The following WDR20 variants were observed in gnomAD, a reference collection of about 807,000 sequenced individuals.
The protein encoded by WDR20 is WD repeat domain 20.
WDR20 carries 3 observed loss-of-function variants against 38.7 expected under a neutral mutation model. That is an observed-to-expected ratio of 0.08 (90% CI 0.04 to 0.20). The LOEUF (loss-of-function observed/expected upper bound fraction) is 0.20. Among genes scored for constraint, WDR20 ranks in the 10% least tolerant of loss-of-function variants. The pLI is 1.00. For missense variants in WDR20, 559 were observed against 727.7 expected (o/e 0.77, Z 2.67); for synonymous variants, 298 against 285.6 (o/e 1.04, Z -0.44).
Position 102,208,532 on chromosome 14 carries a change from G to T in WDR20, c.433-71G>T. Reference sequence around the variant, plus strand: ...CCCCTTCCCATCGAGAAGCACACAAGTTTTCTTGCTGGAAAAGTAGACCTT... The same window carrying T: ...CCCCTTCCCATCGAGAAGCACACAATTTTTCTTGCTGGAAAAGTAGACCTT... On this transcript the variant is annotated intron_variant, in intron 2 of 2. Transcript: ENST00000342702. This position sits in a 1 kb window ranked among gnomAD's most constrained non-coding sequence, Gnocchi z 5.6. The T allele has an allele frequency of 1.3e-6, 2 of 1,517,728 alleles. No homozygotes were observed. The highest frequency in any genetic ancestry group is 1.8e-6 in the Non-Finnish European group (2 of 1,135,112). 94.0% of individuals were successfully genotyped at this position (1,517,728 alleles called of 1,614,324 possible). A position where few individuals can be genotyped will look rare whatever the true frequency, so the allele number is the denominator to read the frequency against.
intron 1 of WDR20, among the ~76,000 whole-genome samples, chr14:102,187,829 G>A (rs1273598145): frequency 6.6e-5 from 10 of 152,178 alleles, no homozygotes; most frequent in Non-Finnish European, 1.3e-4. Context: ...CCAACAGAGC[G>A]CCAAGTATAA....
intron 1 of WDR20, among the ~76,000 whole-genome samples, chr14:102,194,547 T>G (rs983310405): frequency 6.6e-6 from 1 of 152,250 alleles, no homozygotes; most frequent in Non-Finnish European, 1.5e-5. Flanking sequence ...AGTGGGCATG[T>G]AGGTGCTGTA....
intron 1 of WDR20, among the ~76,000 whole-genome samples, chr14:102,173,980 C>T (rs2061533921): frequency 6.6e-6 from 1 of 150,422 alleles, no homozygotes; most frequent in Admixed American, 6.7e-5. Context: ...GGAGGCGGAG[C>T]TTGCAGTGAG....
In WDR20 at chr14:102,222,715, C is replaced by G; in HGVS notation, c.1693-115C>G. ...AGTGGAGGGTTTGCTCCCACACTGG[C>G]TTCCACATCAACAGCACCAGTTTTG... On this transcript the variant is annotated intron_variant, in intron 3 of 3. Transcript: ENST00000335263. This position sits in a 1 kb window ranked among gnomAD's most constrained non-coding sequence, Gnocchi z 4.4. 9 of 1,066,434 alleles carry G rather than the reference C, an allele frequency of 8.4e-6. No individual in the cohort carries two copies. Among genetic ancestry groups the G allele is most frequent in the Non-Finnish European group, 1.3e-5 (9 of 690,996 alleles). 66.1% of individuals were successfully genotyped at this position (1,066,434 alleles called of 1,614,324 possible).
chr14:102,140,344 G>T, intron 1 of WDR20, 172 bp downstream of exon 1: 1 of 1,148,254 alleles, frequency 8.7e-7, no homozygotes, highest in Non-Finnish European at 1.2e-6. Flanking sequence ...GAGTAAGGAG[G>T]GTGGTGGCGG....
rs2062086093 is a variant in WDR20, at chr14:102,209,208, T to C, written c.1038T>C (p.Asn346=). The C allele has an allele frequency of 1.9e-6, 3 of 1,613,872 alleles. No individual in the cohort carries two copies. The highest frequency in any genetic ancestry group is 2.7e-5 in the African/African-American group (2 of 74,842). The change falls in exon 3 of 3, where the codon AAT becomes AAC. Residue 346 remains asparagine, a synonymous_variant. Coordinates refer to ENST00000342702, the MANE Select transcript of WDR20 (RefSeq NM_144574.4). The surrounding 1 kb of genome is among the most constrained non-coding windows in gnomAD (Gnocchi z 6.0). ...TTCATTTTGGCAGAGATCGAGCAAA[T>C]AGTACACAGTCCAGGCTCTCCAAAC... The part of the protein sequence containing the change: ...DLLHFGRDRA[N]STQSRLSKRN...
In WDR20 at chr14:102,155,863, T is replaced by C. The variant is rs142646251; in HGVS notation, c.249+15691T>C. On this transcript the variant is annotated intron_variant, in intron 1 of 2. Transcript: ENST00000342702. ...TGATGTGGGCTCACTGCAACCTCCA[T>C]CCCCGGGCTCAAATGATCTTCCCAC... 7.4e-3 allele frequency among the ~76,000 whole-genome samples: 1,100 copies of C among 149,288 alleles called. 15 individuals carry two copies. Among genetic ancestry groups the C allele is most frequent in the African/African-American group, 0.025 (1,029 of 40,592 alleles).
At chr14:102,204,181 C>T (rs986260910) in intron 2 of WDR20, among the ~76,000 whole-genome samples, 1 of 152,070 alleles carries the variant, frequency 6.6e-6, no homozygotes, top group Non-Finnish European at 1.5e-5. Flanking sequence ...CTGATGGGCC[C>T]GTCTGTTCCC....
At chr14:102,205,183 C>A (rs925152250) in intron 2 of WDR20, among the ~76,000 whole-genome samples, 4 of 151,968 alleles carry the variant, frequency 2.6e-5, no homozygotes, top group Admixed American at 6.5e-5. Flanking sequence ...ATTGCTTCGG[C>A]CTGGGAGGTC....
intron 1 of WDR20, among the ~76,000 whole-genome samples, chr14:102,164,657 CTCTTTATTGAAACATTCTTTGTCTT>C (rs1471013672): frequency 2.0e-5 from 3 of 152,208 alleles, no homozygotes; most frequent in Admixed American, 6.5e-5. Flanking sequence ...TGATCATCTT[CTCTTTATTGAAACATTCTTTGTCTT>C]GACATTTTAA....
chr14:102,209,761 A>G lies in WDR20; in HGVS notation c.1591A>G (p.Ile531Val). The change falls in exon 3 of 3, where the codon ATA becomes GTA. Residue 531 changes from isoleucine (I) to valine (V), a missense_variant. Transcript: ENST00000342702. This position sits in a 1 kb window ranked among gnomAD's most constrained non-coding sequence, Gnocchi z 6.0. ...PLLEPLICKK[I>V]AHERLTVLIF... ...GTTAGAGCCGCTGATATGTAAAAAG[A>G]TAGCACATGAGAGACTGACTGTACT... 1 of 1,614,134 alleles carries G rather than the reference A, an allele frequency of 6.2e-7. No individual in the cohort carries two copies. The highest frequency in any genetic ancestry group is 8.5e-7 in the Non-Finnish European group (1 of 1,180,026).
chr14:102,141,783 A>G (rs1281366028), intron 1 of WDR20, among the ~76,000 whole-genome samples: 2 of 152,184 alleles, frequency 1.3e-5, no homozygotes, highest in African/African-American at 4.8e-5. Context: ...TCAGAGTGAA[A>G]GGACCAATTT....
rs1275588183 is a variant in WDR20, at chr14:102,193,410, A to G, written c.250-1528A>G. ...CCTTTTGTTTTGTATCATGCTTTGT[A>G]TTACACTTTTCAAGGCTCTTTCATG... On this transcript the variant is annotated intron_variant, in intron 1 of 2. Coordinates refer to ENST00000342702, the MANE Select transcript of WDR20 (RefSeq NM_144574.4). 3.2e-6 allele frequency: 5 copies of G among 1,571,752 alleles called. No homozygotes were observed. The African/African-American group carries it at 4.1e-5, about 13-fold the overall frequency.
chr14:102,203,481 C>T (rs1171215315), intron 2 of WDR20, among the ~76,000 whole-genome samples: 1 of 152,152 alleles, frequency 6.6e-6, no homozygotes, highest in Non-Finnish European at 1.5e-5. Flanking sequence ...AGGGTCCCAG[C>T]CGAAGCCCTT....
At chr14:102,145,804 T>G (rs533570484) in intron 1 of WDR20, among the ~76,000 whole-genome samples, 1 of 152,084 alleles carries the variant, frequency 6.6e-6, no homozygotes, top group East Asian at 1.9e-4. Flanking sequence ...AAACAAAAAC[T>G]ATACTCAGAA....
intron 1 of WDR20, among the ~76,000 whole-genome samples, chr14:102,177,994 C>T (rs535977227): frequency 2.6e-5 from 4 of 152,334 alleles, no homozygotes; most frequent in Admixed American, 2.6e-4. Context: ...GTCATGGTTT[C>T]ACCAGTCCTG....
chr14:102,202,372 G>GTTT (rs5811062), intron 2 of WDR20, among the ~76,000 whole-genome samples: 77 of 67,654 alleles, frequency 1.1e-3, no homozygotes, highest in African/African-American at 2.5e-3. Context: ...CTGTATGGAG[G>GTTT]TTTTTTTTTT....
rs538163811 is a variant in WDR20 at position 102,223,039 on chromosome 14, G to A, written c.*156G>A. ...GACGGTGACCGGCTCACTCTGCGGC[G>A]CCGTGCTCCCGCTGCTCACCCAAAG... On this transcript the variant is annotated 3_prime_UTR_variant, in exon 4 of 4. Coordinates refer to the WDR20 transcript ENST00000335263. 33 of 777,116 alleles carry A rather than the reference G, an allele frequency of 4.2e-5. No homozygotes were observed. The Admixed American group carries it at 6.2e-4, about 14-fold the overall frequency. The allele number at this position is 777,116 out of a possible 1,614,324, so 48.1% of individuals were successfully genotyped here.
chr14:102,140,062 C>G lies in WDR20; in HGVS notation c.139C>G (p.Pro47Ala). The G allele has an allele frequency of 6.2e-7, 1 of 1,614,232 alleles. No homozygotes were observed. The highest frequency in any genetic ancestry group is 8.5e-7 in the Non-Finnish European group (1 of 1,180,038). ...GCCCTTCAACTCGCAGGGATCCAAC[C>G]CTGTCCGCGTCTCCTTCGTAAACCT... ...RVPFNSQGSNPVRVSFVNLND... is the reference protein window; with the variant it reads ...RVPFNSQGSNAVRVSFVNLND... Residue 47 changes from proline (P) to alanine (A), a missense_variant, in exon 1 of 3, where the codon CCT becomes GCT. Physicochemically the swap from Pro to Ala is conservative, Grantham distance 27 (BLOSUM62 -1). Transcript: ENST00000342702.
Sources: gnomAD v4.1 joint callset for allele counts (sites outside exome capture counted in the v4.1 genomes callset) on GRCh38, gnomAD v4.1.1 for gene constraint, Gnocchi (gnomAD v3.1) non-coding constraint, MANE v1.5 for transcripts, NCBI Gene and HGNC (gene_info 2026-07-23, HGNC 2026-07-21) for gene names.